The following SEMA5A variants were observed in gnomAD, a reference collection of about 807,000 sequenced individuals.
The protein encoded by SEMA5A is semaphorin-5A.
Under a neutral mutation model 135.5 loss-of-function variants are expected in SEMA5A, and 55 were observed. The ratio of observed to expected loss-of-function variants is 0.41; its 90% CI spans 0.33 to 0.51. The LOEUF is 0.51. Among genes scored for constraint, SEMA5A ranks in the 20% least tolerant of loss-of-function variants. SEMA5A has a pLI of 0.37. For synonymous variants in SEMA5A, 580 were observed against 546.5 expected (o/e 1.06, Z -0.85); for missense variants, 1,290 against 1,419.9 (o/e 0.91, Z 1.47).
intron 1 of SEMA5A, among the ~76,000 whole-genome samples, chr5:9,460,681 A>G (rs938365707): frequency 1.3e-5 from 2 of 152,192 alleles, no homozygotes; most frequent in African/African-American, 4.8e-5. Context: ...CTTGAAACTG[A>G]AAGAAACATT....
intron 2 of SEMA5A, among the ~76,000 whole-genome samples, chr5:9,415,926 GA>G (rs1423302013): frequency 1.3e-5 from 2 of 152,164 alleles, no homozygotes; most frequent in African/African-American, 4.8e-5. Flanking sequence ...ACATAGTTGA[GA>G]AAGCTGAGCA....
At chr5:9,481,331 A>G (rs1759869034) in intron 1 of SEMA5A, among the ~76,000 whole-genome samples, 2 of 152,156 alleles carry the variant, frequency 1.3e-5, no homozygotes, top group African/African-American at 4.8e-5. Flanking sequence ...GGCTGCAGGA[A>G]CTGCTGGAGG....
chr5:9,099,135 A>C (rs1297636606), intron 16 of SEMA5A, among the ~76,000 whole-genome samples: 1 of 152,134 alleles, frequency 6.6e-6, no homozygotes, highest in African/African-American at 2.4e-5. Flanking sequence ...AATTCCTATA[A>C]TCCATCATTT....
chr5:9,518,722 G>A (rs1248869455), intron 1 of SEMA5A, among the ~76,000 whole-genome samples: 1 of 152,082 alleles, frequency 6.6e-6, no homozygotes, highest in East Asian at 1.9e-4. Flanking sequence ...TTTCAGACGA[G>A]CTTGTGCACT....
intron 4 of SEMA5A, among the ~76,000 whole-genome samples, chr5:9,333,817 G>T (rs1212562200): frequency 2.0e-5 from 3 of 151,982 alleles, no homozygotes; most frequent in South Asian, 2.1e-4. Flanking sequence ...CTCTGAAATT[G>T]TTTTTTTCTT....
At chr5:9,212,940 C>A (rs188358003) in intron 8 of SEMA5A, among the ~76,000 whole-genome samples, 6 of 152,268 alleles carry the variant, frequency 3.9e-5, no homozygotes, top group Admixed American at 3.9e-4. Context: ...TATAAACAAC[C>A]AACATTTCTT....
chr5:9,197,436 A>C, intron 9 of SEMA5A, 133 bp from the exon 10 acceptor site: 1 of 1,075,704 alleles, frequency 9.3e-7, no homozygotes, highest in Non-Finnish European at 1.3e-6. Context: ...TAAAGATCCC[A>C]AAAGGATGAA....
At chr5:9,362,815 A>C (rs1754755504) in intron 3 of SEMA5A, among the ~76,000 whole-genome samples, 1 of 152,222 alleles carries the variant, frequency 6.6e-6, no homozygotes, top group African/African-American at 2.4e-5. Flanking sequence ...AGTTGAAAGC[A>C]GAAACTCTTT....
chr5:9,406,262 T>C (rs531866829), intron 2 of SEMA5A, among the ~76,000 whole-genome samples: 7 of 152,226 alleles, frequency 4.6e-5, no homozygotes, highest in African/African-American at 1.7e-4. Flanking sequence ...TAATTTATAA[T>C]GTGTGAAATA....
chr5:9,201,847 A>C, intron 9 of SEMA5A, 108 bp downstream of exon 9: 1 of 1,092,396 alleles, frequency 9.2e-7, no homozygotes, highest in South Asian at 1.7e-5. Flanking sequence ...CCAGTAAATT[A>C]AGAAAGATTT....
At chr5:9,100,496 C>T (rs1251887089) in intron 16 of SEMA5A, among the ~76,000 whole-genome samples, 2 of 152,148 alleles carry the variant, frequency 1.3e-5, no homozygotes, top group Non-Finnish European at 2.9e-5. Context: ...TGACACACTC[C>T]CGAGAGGCAT....
chr5:9,247,330 T>C (rs192275295), intron 5 of SEMA5A, among the ~76,000 whole-genome samples: 1 of 152,322 alleles, frequency 6.6e-6, no homozygotes, highest in East Asian at 1.9e-4. Flanking sequence ...GAAGACATTC[T>C]GTATGAACTG....
intron 5 of SEMA5A, among the ~76,000 whole-genome samples, chr5:9,315,342 G>T (rs805145): frequency 0.68 from 102,991 of 152,020 alleles, 37,954 homozygotes; most frequent in Non-Finnish European, 0.83. Context: ...ATATCTTTTA[G>T]CATGCTTTTC....
chr5:9,429,667 T>A lies in SEMA5A; in HGVS notation c.-78+8089A>T, dbSNP rs545727927. 2.0e-5 allele frequency among the ~76,000 whole-genome samples: 3 copies of A among 152,260 alleles called. No individual in the cohort carries two copies. The South Asian group carries it at 6.2e-4, about 32-fold the overall frequency. ...AAACTTGAAGTAGGCCAAGGAGCAA[T>A]CTTCAGGGATCTTCAGGTAAAGAGT... On this transcript the variant is annotated intron_variant, in intron 2 of 22. Transcript: ENST00000382496.
At position 9,382,608 on chromosome 5, in the gene SEMA5A, A is replaced by G. The variant is rs1805928; in HGVS notation, c.-77-2585T>C. 3.1e-3 allele frequency among the ~76,000 whole-genome samples: 470 copies of G among 152,348 alleles called. 1 individual carries two copies. Among genetic ancestry groups the G allele is most frequent in the African/African-American group, 0.011 (461 of 41,584 alleles). On this transcript the variant is annotated intron_variant, in intron 2 of 22. Transcript: ENST00000382496. ...AGTAGAAAAATTAAGGGTTAATTTC[A>G]TGGAAGTTGGCTCAATATGAATAAA...
At chr5:9,479,814 C>A (rs1759807366) in intron 1 of SEMA5A, among the ~76,000 whole-genome samples, 1 of 152,312 alleles carries the variant, frequency 6.6e-6, no homozygotes, top group East Asian at 1.9e-4. Flanking sequence ...GCCACTCCCT[C>A]ACTAGCATCA....
chr5:9,539,232 C>T (rs1430175745), intron 1 of SEMA5A, among the ~76,000 whole-genome samples: 1 of 152,184 alleles, frequency 6.6e-6, no homozygotes, highest in Admixed American at 6.5e-5. Flanking sequence ...CAGTGACTGG[C>T]TTCCTTCACT....
chr5:9,424,561 T>C (rs532507974), intron 2 of SEMA5A, among the ~76,000 whole-genome samples: 1 of 152,338 alleles, frequency 6.6e-6, no homozygotes, highest in East Asian at 1.9e-4. Context: ...CACACTTGTG[T>C]ATCTGTCTAC....
At chr5:9,053,840 C>A (rs1393747961) in intron 19 of SEMA5A, 3 of 378,910 alleles carry the variant, frequency 7.9e-6, no homozygotes, top group Non-Finnish European at 1.4e-5. Context: ...GTGCTTGAAG[C>A]CTTTAGCACT....
Sources: allele counts gnomAD v4.1 joint callset (sites outside exome capture counted in the v4.1 genomes callset), GRCh38; gene constraint gnomAD v4.1.1; transcripts MANE v1.5; gene names NCBI Gene and HGNC (gene_info 2026-07-23, HGNC 2026-07-21).